The following N4BP2 variants were observed in gnomAD, a reference collection of about 807,000 sequenced individuals.
N4BP2 encodes NEDD4 binding protein 2, also known as NEDD4-binding protein 2.
A neutral mutation model predicts 152.8 loss-of-function variants in N4BP2; 91 were observed. The observed-to-expected ratio is 0.60, with a 90% CI of 0.50 to 0.71. The LOEUF is 0.71. N4BP2 is among the 30% of genes least tolerant of loss of function. The probability of loss-of-function intolerance (pLI) is 0.00; values close to 1 mark genes in which losing one functional copy is unlikely to be tolerated. For synonymous variants in N4BP2, 646 were observed against 705.3 expected (o/e 0.92, Z 1.33); for missense variants, 1,923 against 2,059.1 (o/e 0.93, Z 1.28).
At chr4:40,103,337 T>C in intron 4 of N4BP2, 119 bp downstream of exon 4, 1 of 828,584 alleles carries the variant, frequency 1.2e-6, no homozygotes. Context: ...TAAAATGTTT[T>C]CTTTTTACTA....
rs1721587041 is a variant in N4BP2, at chr4:40,156,226, T to G, written c.*1989T>G. 6.6e-6 allele frequency: 1 copy of G among 152,186 alleles called. No individual in the cohort carries two copies. The allele number at this position is 152,186 out of a possible 1,614,324, so 9.4% of individuals were successfully genotyped here. ...TTCTGTGTTTTTATATTTCCTTACCTAGTTTTAAAAATCATCACTTTTCGG... is the reference window on the plus strand; with the variant it reads ...TTCTGTGTTTTTATATTTCCTTACCGAGTTTTAAAAATCATCACTTTTCGG... On this transcript the variant is annotated 3_prime_UTR_variant, in exon 18 of 18. Transcript: ENST00000261435.
chr4:40,107,373 G>A (rs1195610937), intron 5 of N4BP2, among the ~76,000 whole-genome samples: 1 of 151,874 alleles, frequency 6.6e-6, no homozygotes, highest in Non-Finnish European at 1.5e-5. Flanking sequence ...ACTGCGCCCA[G>A]TTAAATTGGC....
intron 5 of N4BP2, among the ~76,000 whole-genome samples, chr4:40,109,376 A>C (rs1328989194): frequency 6.6e-6 from 1 of 152,112 alleles, no homozygotes; most frequent in Non-Finnish European, 1.5e-5. Flanking sequence ...AAAGGGAATA[A>C]TAATACTTAA....
intron 4 of N4BP2, among the ~76,000 whole-genome samples, chr4:40,105,086 G>A (rs543461738): frequency 3.3e-5 from 5 of 152,324 alleles, no homozygotes; most frequent in Admixed American, 3.3e-4. Context: ...ACAGGCGTGA[G>A]CCACCACGCC....
chr4:40,133,248 T>C (rs908589213), intron 13 of N4BP2, among the ~76,000 whole-genome samples: 1 of 152,210 alleles, frequency 6.6e-6, no homozygotes, highest in Non-Finnish European at 1.5e-5. Flanking sequence ...TGAATTTTTC[T>C]CTATATGTTT....
intron 2 of N4BP2, among the ~76,000 whole-genome samples, chr4:40,095,086 T>C (rs1384352239): frequency 6.6e-6 from 1 of 151,544 alleles, no homozygotes; most frequent in Admixed American, 6.6e-5. Context: ...AGGGTTACTA[T>C]ATCTTTTTTT....
chr4:40,118,381 G>A (rs571682702), intron 8 of N4BP2, among the ~76,000 whole-genome samples: 160 of 152,258 alleles, frequency 1.1e-3, no homozygotes, highest in African/African-American at 3.5e-3. Flanking sequence ...GCGGTGAGCC[G>A]AGATTGCGCC....
Position 40,136,343 on chromosome 4 carries a change from A to AATCTATCTATCT in N4BP2, c.4647-560_4647-549dup, listed in dbSNP as rs56276709. 6.0e-3 allele frequency among the ~76,000 whole-genome samples: 818 copies of AATCTATCTATCT among 136,734 alleles called. 10 individuals carry two copies. Among genetic ancestry groups the AATCTATCTATCT allele is most frequent in the Admixed American group, 6.7e-3 (89 of 13,376 alleles). 89.7% of individuals were successfully genotyped at this position (136,734 alleles called of 152,430 possible). A position where few individuals can be genotyped will look rare whatever the true frequency, so the allele number is the denominator to read the frequency against. On this transcript the variant is annotated intron_variant, in intron 13 of 17. Coordinates refer to ENST00000261435, the MANE Select transcript of N4BP2 (RefSeq NM_018177.6). ...GCCTGGTATAAAGGATTAGAAATTGAATCTATCTATCTATCTATCTATCTA... is the reference window on the plus strand; with the variant it reads ...GCCTGGTATAAAGGATTAGAAATTGAATCTATCTATCTATCTATCTATCTATCTATCTATCTA...
At chr4:40,140,444 G>T (rs1205149632) in intron 14 of N4BP2, among the ~76,000 whole-genome samples, 1 of 152,126 alleles carries the variant, frequency 6.6e-6, no homozygotes, top group African/African-American at 2.4e-5. Flanking sequence ...GGTAATAGGG[G>T]GTGATAAGAA....
At chr4:40,084,298 C>T (rs932619413) in intron 2 of N4BP2, among the ~76,000 whole-genome samples, 5 of 151,998 alleles carry the variant, frequency 3.3e-5, no homozygotes, top group South Asian at 2.1e-4. Flanking sequence ...TGAGGTGTGA[C>T]GGAAAGAATA....
intron 11 of N4BP2, 50 bp from the exon 12 acceptor site, chr4:40,126,084 A>G (rs746488067): frequency 8.7e-7 from 1 of 1,147,826 alleles, no homozygotes; most frequent in Non-Finnish European, 1.2e-6. Flanking sequence ...ATAATGTTTA[A>G]TTTATACATT....
At chr4:40,117,018 T>C (rs1401710778) in intron 7 of N4BP2, among the ~76,000 whole-genome samples, 1 of 152,186 alleles carries the variant, frequency 6.6e-6, no homozygotes, top group Non-Finnish European at 1.5e-5. Flanking sequence ...CTCTTTGTCT[T>C]TGGTGAATGA....
At chr4:40,177,993 AAAAAAC>A in the N4BP2 span, among the ~76,000 whole-genome samples, 1 of 152,136 alleles carries the variant, frequency 6.6e-6, no homozygotes, top group African/African-American at 2.4e-5. Context: ...AGCAACCAGA[AAAAAAC>A]AAAAACAAAA....
At chr4:40,089,964 A>G (rs944881125) in intron 2 of N4BP2, among the ~76,000 whole-genome samples, 3 of 152,184 alleles carry the variant, frequency 2.0e-5, no homozygotes, top group Non-Finnish European at 4.4e-5. Context: ...TAAGCATGAG[A>G]CTTAGGTCAA....
chr4:40,127,089 C>T (rs1718475036), intron 12 of N4BP2, among the ~76,000 whole-genome samples: 1 of 152,030 alleles, frequency 6.6e-6, no homozygotes, highest in African/African-American at 2.4e-5. Flanking sequence ...GACAGTTTTG[C>T]CATGTTGCCC....
At chr4:40,097,635 T>G in intron 3 of N4BP2, 66 bp downstream of exon 3, 1 of 864,930 alleles carries the variant, frequency 1.2e-6, no homozygotes, top group South Asian at 1.6e-5. Flanking sequence ...ATGCCATGAT[T>G]AATAGTAATA....
Position 40,131,826 on chromosome 4 carries a change from A to C in N4BP2, c.4553A>C (p.Lys1518Thr). Residue 1518 changes from lysine to threonine, a missense_variant, in exon 13 of 18, where the codon AAA becomes ACA. Physicochemically the swap from Lys to Thr is moderately conservative, Grantham distance 78. Transcript: ENST00000261435. ...AAAAGGGAGACCCTTATGTTTGAAAAAGATTGTGCCACTAAACTAAAGGAG... is the reference window on the plus strand; with the variant it reads ...AAAAGGGAGACCCTTATGTTTGAAACAGATTGTGCCACTAAACTAAAGGAG... ...NLKRETLMFEKDCATKLKEKQ... is the reference protein window; with the variant it reads ...NLKRETLMFETDCATKLKEKQ... The C allele has an allele frequency of 6.2e-7, 1 of 1,613,382 alleles. No individual in the cohort carries two copies. The highest frequency in any genetic ancestry group is 1.3e-5 in the African/African-American group (1 of 75,010).
chr4:40,190,360 G>T, the N4BP2 span, among the ~76,000 whole-genome samples: 6 of 152,360 alleles, frequency 3.9e-5, no homozygotes, highest in African/African-American at 9.6e-5. Context: ...CACCTCTGAA[G>T]ATTCTGCATT....
intron 2 of N4BP2, among the ~76,000 whole-genome samples, chr4:40,074,028 G>A (rs1371753038): frequency 6.6e-6 from 1 of 151,998 alleles, no homozygotes; most frequent in Non-Finnish European, 1.5e-5. Context: ...CCAACCTCAG[G>A]TGATCCGCCC....
Sources: gnomAD v4.1 joint callset for allele counts (sites outside exome capture counted in the v4.1 genomes callset) on GRCh38, gnomAD v4.1.1 for gene constraint, MANE v1.5 for transcripts, NCBI Gene and HGNC (gene_info 2026-07-23, HGNC 2026-07-21) for gene names.